The following VPS37A variants were observed in gnomAD, a reference collection of about 807,000 sequenced individuals.
VPS37A encodes VPS37A subunit of ESCRT-I, also known as vacuolar protein sorting-associated protein 37A.
In VPS37A, 30 loss-of-function variants were observed where a neutral mutation model predicts 49.8. That is an observed-to-expected ratio of 0.60 (90% CI 0.45 to 0.82). The LOEUF (loss-of-function observed/expected upper bound fraction) is 0.82, where lower values mean the gene tolerates loss of function less well. Ranked by LOEUF, VPS37A falls within the 40% of genes least tolerant of loss-of-function variation. The pLI, the probability that VPS37A is intolerant of heterozygous loss-of-function variation, is 0.00. For missense variants in VPS37A, 593 were observed against 464.4 expected (o/e 1.28, Z -2.55); for synonymous variants, 195 against 160.6 (o/e 1.21, Z -1.62).
intron 4 of VPS37A, 119 bp from the exon 5 acceptor site, chr8:17,274,614 G>T: frequency 1.6e-6 from 1 of 612,200 alleles, no homozygotes; most frequent in Non-Finnish European, 2.7e-6. Flanking sequence ...AATATCACCT[G>T]CCATTATAAC....
chr8:17,311,586 C>T, the VPS37A span: 1 of 1,614,108 alleles, frequency 6.2e-7, no homozygotes, highest in Non-Finnish European at 8.5e-7. Context: ...CGGTCCTGTC[C>T]CAGCCATCAG....
intron 11 of VPS37A, among the ~76,000 whole-genome samples, chr8:17,290,283 C>G (rs1586076061): frequency 6.6e-6 from 1 of 152,178 alleles, no homozygotes; most frequent in South Asian, 2.1e-4. Context: ...ATGCTTCCAG[C>G]TTTTGCCCAT....
chr8:17,332,571 G>T, the VPS37A span, among the ~76,000 whole-genome samples: 1 of 152,188 alleles, frequency 6.6e-6, no homozygotes, highest in South Asian at 2.1e-4. Context: ...AGTTGAAAAT[G>T]CCGTAAGTGA....
chr8:17,308,054 TA>T, the VPS37A span, among the ~76,000 whole-genome samples: 50,329 of 147,590 alleles, frequency 0.34, 8,841 homozygotes, highest in African/African-American at 0.47. Context: ...AATTAAAAAA[TA>T]AAAATAAAAT....
At chr8:17,280,571 C>A (rs1048143419) in intron 9 of VPS37A, 128 bp downstream of exon 9, 1 of 795,122 alleles carries the variant, frequency 1.3e-6, no homozygotes, top group Non-Finnish European at 1.9e-6. Flanking sequence ...AGACATGATA[C>A]CTTTAAACGT....
chr8:17,272,318 T>G (rs1563262638), intron 4 of VPS37A, among the ~76,000 whole-genome samples: 1 of 152,190 alleles, frequency 6.6e-6, no homozygotes, highest in Non-Finnish European at 1.5e-5. Context: ...TTCCAGGTAC[T>G]TCAGCCCTCT....
Position 17,274,717 on chromosome 8 carries a change from C to G in VPS37A, c.417-16C>G, listed in dbSNP as rs1166889014. On this transcript the variant is annotated splice_polypyrimidine_tract_variant and intron_variant, in intron 4 of 11. Transcript: ENST00000324849. Reference sequence around the variant, plus strand: ...CCATAAAATCTAATGTAATGATCTTCTCTTTTTCTTTTCAGTCTATACAGT... The same window carrying G: ...CCATAAAATCTAATGTAATGATCTTGTCTTTTTCTTTTCAGTCTATACAGT... 1.0e-5 allele frequency: 16 copies of G among 1,588,712 alleles called. No homozygotes were observed. Among genetic ancestry groups the G allele is most frequent in the East Asian group, 2.2e-5 (1 of 44,728 alleles).
downstream of VPS37A, chr8:17,304,566 C>A (rs1224389075): frequency 2.5e-6 from 4 of 1,580,934 alleles, no homozygotes; most frequent in African/African-American, 5.4e-5. Flanking sequence ...TTGGTGCTTA[C>A]ACACAGTAGA....
the VPS37A span, among the ~76,000 whole-genome samples, chr8:17,316,214 C>T: frequency 6.6e-6 from 1 of 151,870 alleles, no homozygotes; most frequent in African/African-American, 2.4e-5. Context: ...CTGTATCAAA[C>T]TGTTATTATT....
the VPS37A span, among the ~76,000 whole-genome samples, chr8:17,318,519 A>G: frequency 4.6e-4 from 70 of 152,220 alleles, no homozygotes; most frequent in African/African-American, 1.5e-3. Context: ...TCCCACAAAC[A>G]TAACGGATAG....
intron 1 of VPS37A, 49 bp from the exon 2 acceptor site, chr8:17,265,858 A>T (rs868857090): frequency 1.2e-6 from 2 of 1,612,058 alleles, no homozygotes; most frequent in African/African-American, 1.3e-5. Context: ...GTTTTTAACA[A>T]TAATGGTTTC....
chr8:17,302,451 T>TC (rs113855755), downstream of VPS37A: 1 of 661,242 alleles, frequency 1.5e-6, no homozygotes. Context: ...ATGTTTTTTT[T>TC]CTTGGGTCAG....
At chr8:17,292,436 C>T (rs1024289912) in intron 11 of VPS37A, among the ~76,000 whole-genome samples, 30 of 152,112 alleles carry the variant, frequency 2.0e-4, no homozygotes, top group African/African-American at 7.2e-4. Context: ...CAGTCTGTGC[C>T]TTTTAATTGG....
At chr8:17,311,663 TC>T in the VPS37A span, 1 of 1,613,144 alleles carries the variant, frequency 6.2e-7, no homozygotes, top group African/African-American at 1.3e-5. Flanking sequence ...CCGCAAAGAG[TC>T]ACAAAGAATG....
At chr8:17,286,735 T>G (rs1284829211) in intron 11 of VPS37A, 1 of 202,932 alleles carries the variant, frequency 4.9e-6, no homozygotes, top group African/African-American at 2.3e-5. Context: ...TACCTTGTCA[T>G]GTGGCTAACA....
intron 11 of VPS37A, 127 bp from the exon 12 acceptor site, chr8:17,294,860 G>C (rs145897040): frequency 0.018 from 2,707 of 152,364 alleles, 42 homozygotes; most frequent in Non-Finnish European, 0.025. Context: ...CTGCAGACTG[G>C]AGCTGTTCCT....
Position 17,247,165 on chromosome 8 carries a change from G to C in VPS37A, c.-80G>C. 6.5e-7 allele frequency: 1 copy of C among 1,542,154 alleles called. No individual in the cohort carries two copies. The highest frequency in any genetic ancestry group is 8.7e-7 in the Non-Finnish European group (1 of 1,143,664). On this transcript the variant is annotated 5_prime_UTR_variant, in exon 1 of 12. Coordinates refer to ENST00000324849, the MANE Select transcript of VPS37A (RefSeq NM_152415.3). The stretch of plus-strand genomic sequence containing the variant: ...GGACGTCCCACCCCGCTCCTCTGTC[G>C]CTGGAGAACCGCCGGGCCGAGCCAC...
chr8:17,302,249 T>A, downstream of VPS37A: 2 of 1,614,064 alleles, frequency 1.2e-6, no homozygotes, highest in Non-Finnish European at 1.7e-6. Flanking sequence ...TGCATCCCCT[T>A]TTCAAAGCGG....
At chr8:17,303,137 G>C (rs1249327119), downstream of VPS37A, among the ~76,000 whole-genome samples, 1 of 152,162 alleles carries the variant, frequency 6.6e-6, no homozygotes, top group Non-Finnish European at 1.5e-5. Flanking sequence ...TTGAGGGCAA[G>C]GACTTGGTGT....
Sources: gnomAD v4.1 joint callset for allele counts (sites outside exome capture counted in the v4.1 genomes callset) on GRCh38, gnomAD v4.1.1 for gene constraint, MANE v1.5 for transcripts, NCBI Gene and HGNC (gene_info 2026-07-23, HGNC 2026-07-21) for gene names.